ASTN2: variants seen among roughly 807,000 people sequenced by gnomAD.
ASTN2 encodes the protein astrotactin-2.
A neutral mutation model predicts 139.8 loss-of-function variants in ASTN2; 54 were observed. The ratio of observed to expected loss-of-function variants is 0.39; its 90% CI spans 0.31 to 0.48. The LOEUF is 0.48. Among genes scored for constraint, ASTN2 ranks in the 20% least tolerant of loss-of-function variants. The pLI, the probability that ASTN2 is intolerant of heterozygous loss-of-function variation, is 0.95. For synonymous variants in ASTN2, 756 were observed against 719.5 expected, an observed-to-expected ratio of 1.05 and a Z score of -0.81; for missense variants, 1,565 against 1,725.1, an observed-to-expected ratio of 0.91 and a Z score of 1.64.
Position 117,334,979 on chromosome 9 carries a change from C to T in ASTN2, c.443-43466G>A, listed in dbSNP as rs577530818. On this transcript the variant is annotated intron_variant, in intron 1 of 22. Transcript: ENST00000313400. Reference sequence around the variant, plus strand: ...CTGAGGCATGAGAATAGCTTGAACCCGGTAGGCAGAGGTTGCAGTGAGCAT... The same window carrying T: ...CTGAGGCATGAGAATAGCTTGAACCTGGTAGGCAGAGGTTGCAGTGAGCAT... Among the ~76,000 whole-genome samples, 63 of 152,232 alleles carry T rather than the reference C, an allele frequency of 4.1e-4. 1 individual carries two copies. The highest frequency in any genetic ancestry group is 1.4e-3 in the African/African-American group (58 of 41,564).
At chr9:116,586,998 C>T (rs1341434136) in intron 19 of ASTN2, among the ~76,000 whole-genome samples, 1 of 152,084 alleles carries the variant, frequency 6.6e-6, no homozygotes, top group Non-Finnish European at 1.5e-5. Context: ...TCTACAGAGG[C>T]CACCAATTCC....
chr9:116,586,835 C>CACACACACACACAT (rs1554717123), intron 19 of ASTN2, among the ~76,000 whole-genome samples: 111 of 144,092 alleles, frequency 7.7e-4, no homozygotes, highest in Middle Eastern at 3.5e-3. Flanking sequence ...CATACATACA[C>CACACACACACACAT]ACACACACAC....
intron 1 of ASTN2, among the ~76,000 whole-genome samples, chr9:117,412,100 A>T (rs1370482959): frequency 1.3e-5 from 2 of 151,732 alleles, no homozygotes; most frequent in African/African-American, 4.8e-5. Flanking sequence ...ACACACAAAC[A>T]GTGGAAGACC....
intron 19 of ASTN2, among the ~76,000 whole-genome samples, chr9:116,512,051 G>A (rs190678964): frequency 3.4e-4 from 51 of 152,170 alleles, no homozygotes; most frequent in Admixed American, 1.3e-3. Context: ...GCTAGCTTTT[G>A]AATGTGTTTG....
intron 11 of ASTN2, among the ~76,000 whole-genome samples, chr9:116,852,455 C>G (rs1044854837): frequency 1.3e-5 from 2 of 152,168 alleles, no homozygotes; most frequent in African/African-American, 4.8e-5. Flanking sequence ...TAGCCCATCT[C>G]TCTCTAGGAA....
intron 16 of ASTN2, among the ~76,000 whole-genome samples, chr9:116,672,001 G>A (rs151146486): frequency 3.9e-5 from 6 of 152,230 alleles, no homozygotes; most frequent in African/African-American, 1.4e-4. Context: ...GTGTTGTTTC[G>A]AGTGGCAAAA....
intron 1 of ASTN2, among the ~76,000 whole-genome samples, chr9:117,307,790 T>A (rs568983690): frequency 6.6e-6 from 1 of 152,312 alleles, no homozygotes; most frequent in African/African-American, 2.4e-5. Context: ...ATAAATGACA[T>A]CAGGAAATGT....
intron 1 of ASTN2, among the ~76,000 whole-genome samples, chr9:117,296,300 A>AGAAAG (rs1331064336): frequency 5.8e-5 from 7 of 120,970 alleles, no homozygotes; most frequent in South Asian, 2.8e-4. Flanking sequence ...AAAAAAAAAA[A>AGAAAG]AAAGAAAGAA....
intron 11 of ASTN2, among the ~76,000 whole-genome samples, chr9:116,837,879 TG>T (rs1322874825): frequency 6.6e-6 from 1 of 152,018 alleles, no homozygotes; most frequent in African/African-American, 2.4e-5. Flanking sequence ...GAAAGGCAGG[TG>T]GGGTAAAGGA....
At chr9:116,770,341 C>T (rs35365192) in intron 13 of ASTN2, among the ~76,000 whole-genome samples, 169 of 152,244 alleles carry the variant, frequency 1.1e-3, no homozygotes, top group Non-Finnish European at 2.1e-3. Flanking sequence ...CCAGTCCTTT[C>T]CTCACCTACA....
At chr9:117,334,922 G>T (rs1205388005) in intron 1 of ASTN2, among the ~76,000 whole-genome samples, 1 of 152,130 alleles carries the variant, frequency 6.6e-6, no homozygotes, top group Non-Finnish European at 1.5e-5. Flanking sequence ...AGGCGTGGTG[G>T]CCTGTGCCTG....
intron 1 of ASTN2, among the ~76,000 whole-genome samples, chr9:117,358,926 T>A (rs933038979): frequency 6.6e-6 from 1 of 151,970 alleles, no homozygotes; most frequent in African/African-American, 2.4e-5. Context: ...CAAACTCACC[T>A]CTCACTAGCT....
chr9:116,442,444 G>A lies in ASTN2; in HGVS notation c.3598+9C>T. ...AGTTACTTTGGAGTTGAAAAACTGG[G>A]TTACCTACCTTCTGCCTTGTTGTCA... On this transcript the variant is annotated intron_variant, in intron 21 of 22. Coordinates refer to ENST00000313400, the MANE Select transcript of ASTN2 (RefSeq NM_001365068.1). 6.2e-7 allele frequency: 1 copy of A among 1,613,172 alleles called. No individual in the cohort carries two copies. Among genetic ancestry groups the A allele is most frequent in the Non-Finnish European group, 8.5e-7 (1 of 1,179,184 alleles).
intron 10 of ASTN2, among the ~76,000 whole-genome samples, chr9:116,918,620 C>A (rs1834517769): frequency 6.6e-6 from 1 of 152,026 alleles, no homozygotes; most frequent in Non-Finnish European, 1.5e-5. Flanking sequence ...ACCTTCTTTT[C>A]TCTCTCTGTG....
chr9:117,286,356 T>TTA lies in ASTN2; in HGVS notation c.630+4969_630+4970insTA, dbSNP rs1054651321. Among the ~76,000 whole-genome samples, 15 of 148,086 alleles carry TTA rather than the reference T, an allele frequency of 1.0e-4. No homozygotes were observed. The East Asian group carries it at 2.2e-3, about 21-fold the overall frequency. On this transcript the variant is annotated intron_variant, in intron 2 of 22. Transcript: ENST00000313400. The stretch of plus-strand genomic sequence containing the variant: ...AGCAGATAAACTCTTCCCACTTTCT[T>TTA]TTTTTTTTTTTTTTGAGCAGAGTCT...
intron 19 of ASTN2, among the ~76,000 whole-genome samples, chr9:116,492,519 A>G (rs1564315842): frequency 6.6e-6 from 1 of 152,130 alleles, no homozygotes; most frequent in Non-Finnish European, 1.5e-5. Flanking sequence ...ATGCCCATAC[A>G]CTCAACAGGA....
At chr9:116,557,377 A>G (rs1852685453) in intron 19 of ASTN2, among the ~76,000 whole-genome samples, 1 of 151,982 alleles carries the variant, frequency 6.6e-6, no homozygotes, top group African/African-American at 2.4e-5. Flanking sequence ...TCTTTTTTGT[A>G]AAATGGGAAG....
At chr9:117,399,298 A>G (rs2130958694) in intron 1 of ASTN2, among the ~76,000 whole-genome samples, 1 of 152,344 alleles carries the variant, frequency 6.6e-6, no homozygotes, top group East Asian at 1.9e-4. Flanking sequence ...CAGGAAAGTC[A>G]TCTTAGAAGG....
chr9:116,464,164 C>A (rs575499922), intron 20 of ASTN2, among the ~76,000 whole-genome samples: 3 of 151,902 alleles, frequency 2.0e-5, no homozygotes, highest in East Asian at 1.9e-4. Flanking sequence ...GACATTATGA[C>A]AAATGTCATA....
Sources: allele counts gnomAD v4.1 joint callset (sites outside exome capture counted in the v4.1 genomes callset), GRCh38; gene constraint gnomAD v4.1.1; transcripts MANE v1.5; gene names NCBI Gene and HGNC (gene_info 2026-07-23, HGNC 2026-07-21).